The following UGT3A1 variants were observed in gnomAD, a reference collection of about 807,000 sequenced individuals.
UGT3A1 encodes UDP-glycosyltransferase 3A1.
Under a neutral mutation model 37.6 loss-of-function variants are expected in UGT3A1, and 40 were observed. The ratio of observed to expected loss-of-function variants is 1.06; its 90% CI spans 0.83 to 1.38. UGT3A1 has a LOEUF of 1.38. Among genes scored for constraint, UGT3A1 ranks in the 40% most tolerant of loss-of-function variants. UGT3A1 has a pLI of 0.00. For missense variants in UGT3A1, 642 were observed against 634.2 expected (o/e 1.01, Z -0.13); for synonymous variants, 256 against 232.3 (o/e 1.10, Z -0.93).
chr5:35,973,452 T>C (rs1299326413), intron 2 of UGT3A1, among the ~76,000 whole-genome samples: 1 of 152,184 alleles, frequency 6.6e-6, no homozygotes, highest in African/African-American at 2.4e-5. Flanking sequence ...TTCATCGTTG[T>C]AGCCCAATAG....
intron 6 of UGT3A1, chr5:35,955,092 A>C: frequency 6.2e-6 from 1 of 161,974 alleles, no homozygotes. Context: ...ACATAAATAA[A>C]TGGAGTCATT....
At chr5:35,985,533 G>A (rs1397448747) in intron 2 of UGT3A1, among the ~76,000 whole-genome samples, 5 of 152,008 alleles carry the variant, frequency 3.3e-5, no homozygotes, top group African/African-American at 9.7e-5. Flanking sequence ...GAACAGAAGA[G>A]CCCAGATAAA....
At chr5:35,971,653 C>T (rs563641687) in intron 2 of UGT3A1, among the ~76,000 whole-genome samples, 3 of 152,176 alleles carry the variant, frequency 2.0e-5, no homozygotes, top group Non-Finnish European at 4.4e-5. Context: ...AGGCCAATGT[C>T]CTCTGACTGC....
At chr5:35,955,968 T>A in intron 5 of UGT3A1, 104 bp from the exon 6 acceptor site, 8 of 1,170,900 alleles carry the variant, frequency 6.8e-6, no homozygotes, top group Non-Finnish European at 9.7e-6. Flanking sequence ...TCAAGGTCTG[T>A]TGAGAAAATG....
At chr5:35,978,957 A>C (rs1740409641) in intron 2 of UGT3A1, among the ~76,000 whole-genome samples, 1 of 152,224 alleles carries the variant, frequency 6.6e-6, no homozygotes. Context: ...TACAGGTCTC[A>C]TGCAGATCAA....
intron 2 of UGT3A1, among the ~76,000 whole-genome samples, chr5:35,978,632 T>C (rs776929613): frequency 5.3e-5 from 8 of 152,048 alleles, no homozygotes; most frequent in East Asian, 1.9e-4. Flanking sequence ...TCCCATAACA[T>C]GTGAAAGTGC....
At chr5:35,989,784 C>T (rs1185721658) in intron 1 of UGT3A1, among the ~76,000 whole-genome samples, 1 of 152,164 alleles carries the variant, frequency 6.6e-6, no homozygotes, top group Non-Finnish European at 1.5e-5. Context: ...TCTGTTGCTT[C>T]ACTGCTACTA....
chr5:35,978,647 T>TGA (rs1340251305), intron 2 of UGT3A1, among the ~76,000 whole-genome samples: 1 of 152,262 alleles, frequency 6.6e-6, no homozygotes, highest in East Asian at 1.9e-4. Context: ...AAGTGCAAGA[T>TGA]GAGATTTGGG....
intron 4 of UGT3A1, among the ~76,000 whole-genome samples, chr5:35,964,927 G>C (rs374555316): frequency 1.4e-3 from 220 of 152,292 alleles, no homozygotes; most frequent in African/African-American, 5.1e-3. Flanking sequence ...GGGAACACTG[G>C]AGATAACACT....
In UGT3A1 at chr5:35,955,773, T is replaced by G. The variant is rs61734786; in HGVS notation, c.1167A>C (p.Pro389=). The G allele has an allele frequency of 1.7e-3, 2,749 of 1,614,204 alleles. 50 individuals are homozygous for G. In the African/African-American group the frequency reaches 0.033, roughly 19 times the overall value. ...IRHGVPMVGL[P]VNGDQHGNMV... ...TGTTTCCATGCTGGTCTCCATTGAC[T>G]GGTAATCCCACCATGGGCACACCAT... Residue 389 remains proline (P), a synonymous_variant, in exon 6 of 7, where the codon CCA becomes CCC. Coordinates refer to ENST00000274278, the MANE Select transcript of UGT3A1 (RefSeq NM_152404.4).
At chr5:35,987,163 A>T (rs534268558) in intron 2 of UGT3A1, among the ~76,000 whole-genome samples, 2 of 152,292 alleles carry the variant, frequency 1.3e-5, no homozygotes, top group South Asian at 4.1e-4. Context: ...TGATGGAAAC[A>T]TGTAGTTAAC....
intron 1 of UGT3A1, among the ~76,000 whole-genome samples, chr5:35,990,790 G>A (rs997980978): frequency 6.6e-6 from 1 of 152,162 alleles, no homozygotes; most frequent in Non-Finnish European, 1.5e-5. Context: ...CGGCCCCATG[G>A]AGCTTAGGGT....
At chr5:35,963,632 C>G (rs1739677911) in intron 4 of UGT3A1, among the ~76,000 whole-genome samples, 1 of 152,206 alleles carries the variant, frequency 6.6e-6, no homozygotes, top group African/African-American at 2.4e-5. Context: ...TTCCTTTAAT[C>G]ATTATAGCCT....
At chr5:35,982,473 C>T (rs1168084820) in intron 2 of UGT3A1, among the ~76,000 whole-genome samples, 1 of 152,194 alleles carries the variant, frequency 6.6e-6, no homozygotes, top group African/African-American at 2.4e-5. Context: ...GGCTTCCCTG[C>T]TGGGTTTCAG....
intron 2 of UGT3A1, among the ~76,000 whole-genome samples, chr5:35,975,231 C>T (rs927406058): frequency 3.3e-5 from 5 of 152,182 alleles, no homozygotes; most frequent in Non-Finnish European, 7.4e-5. Flanking sequence ...GCATATCAAA[C>T]TGGACTTCCA....
intron 2 of UGT3A1, among the ~76,000 whole-genome samples, chr5:35,971,385 C>T (rs546260041): frequency 5.9e-5 from 9 of 152,184 alleles, no homozygotes; most frequent in Non-Finnish European, 1.2e-4. Context: ...TCATTACCAA[C>T]ATTCCATTCC....
chr5:35,965,555 ATGG>A lies in UGT3A1; in HGVS notation c.671_673del (p.Thr224del), dbSNP rs1739767334. 6.2e-7 allele frequency: 1 copy of A among 1,614,100 alleles called. No homozygotes were observed. Among genetic ancestry groups the A allele is most frequent in the Non-Finnish European group, 8.5e-7 (1 of 1,180,036 alleles). On this transcript the variant is annotated inframe_deletion, in exon 4 of 7. Transcript: ENST00000274278. ...AGAGCCTTCTGGGAAATGCTCCTTG[ATGG>A]TGTTGTCAAATGTAGACTGCATGTC...
Position 35,954,214 on chromosome 5 carries a change from C to T in UGT3A1, c.1560G>A (p.Val520=). Residue 520 remains valine, a synonymous_variant, in exon 7 of 7, where the codon GTG becomes GTA. Transcript: ENST00000274278. The part of the protein sequence containing the change: ...VARWLRGARK[V]KKT ...GCTACACCTAGCCTCATGTCTTCTT[C>T]ACCTTCCTGGCCCCACGCAGCCACC... 1 of 1,613,994 alleles carries T rather than the reference C, an allele frequency of 6.2e-7. No homozygotes were observed. Among genetic ancestry groups the T allele is most frequent in the Non-Finnish European group, 8.5e-7 (1 of 1,179,912 alleles).
chr5:35,993,280 A>G (rs1333435840), upstream of UGT3A1, among the ~76,000 whole-genome samples: 2 of 152,154 alleles, frequency 1.3e-5, no homozygotes, highest in Non-Finnish European at 2.9e-5. Context: ...CCTGGCCAAC[A>G]TGGTGAAATC....
Sources: allele counts gnomAD v4.1 joint callset (sites outside exome capture counted in the v4.1 genomes callset), GRCh38; gene constraint gnomAD v4.1.1; transcripts MANE v1.5; gene names NCBI Gene and HGNC (gene_info 2026-07-23, HGNC 2026-07-21).